Variants in IL1R1 observed in about 807,000 individuals in gnomAD.
The protein encoded by IL1R1 is interleukin-1 receptor type 1.
Under a neutral mutation model 50.2 loss-of-function variants are expected in IL1R1, and 22 were observed. The ratio of observed to expected loss-of-function variants is 0.44; its 90% CI spans 0.31 to 0.63. The LOEUF is 0.63. Ranked by LOEUF, IL1R1 falls within the 20% of genes least tolerant of loss-of-function variation. IL1R1 has a pLI of 0.07. For synonymous variants in IL1R1, 251 were observed against 236.7 expected, an observed-to-expected ratio of 1.06 and a Z score of -0.55; for missense variants, 509 against 676.2, an observed-to-expected ratio of 0.75 and a Z score of 2.74.
At chr2:102,130,011 C>T (rs1318160921) in intron 1 of IL1R1, among the ~76,000 whole-genome samples, 2 of 152,110 alleles carry the variant, frequency 1.3e-5, no homozygotes, top group East Asian at 1.9e-4. Context: ...TTTTAAAAAA[C>T]GAAAGTATCA....
At chr2:102,098,987 A>T (rs1008382785) in intron 1 of IL1R1, among the ~76,000 whole-genome samples, 5 of 152,206 alleles carry the variant, frequency 3.3e-5, no homozygotes, top group African/African-American at 1.2e-4. Context: ...CATACTTAGA[A>T]CCTGACATAT....
chr2:102,148,981 C>CAAACAAAG lies in IL1R1; in HGVS notation c.-83-4960_-83-4959insAAACAAAG, dbSNP rs1553632095. ...ACAAACAAACAAACAAACAAACAAA[C>CAAACAAAG]GGGTAACAGGAAGACATCATAATTA... On this transcript the variant is annotated intron_variant, in intron 1 of 11. Coordinates refer to ENST00000410023, the MANE Select transcript of IL1R1 (RefSeq NM_000877.4). 3.6e-3 allele frequency among the ~76,000 whole-genome samples: 533 copies of CAAACAAAG among 147,566 alleles called. 25 individuals are homozygous for CAAACAAAG. The highest frequency in any genetic ancestry group is 0.01 in the African/African-American group (419 of 40,584).
intron 1 of IL1R1, among the ~76,000 whole-genome samples, chr2:102,127,275 A>G (rs768384510): frequency 1.3e-5 from 2 of 152,236 alleles, no homozygotes; most frequent in Non-Finnish European, 2.9e-5. Flanking sequence ...GCATGGTGAG[A>G]GGAGGCAAAG....
intron 1 of IL1R1, among the ~76,000 whole-genome samples, chr2:102,117,019 G>T (rs1201292604): frequency 6.6e-6 from 1 of 152,192 alleles, no homozygotes; most frequent in Non-Finnish European, 1.5e-5. Context: ...AACACTTAAT[G>T]ACATGAATCT....
At position 102,165,223 on chromosome 2, in the gene IL1R1, A is replaced by G. The variant is rs1396478709; in HGVS notation, c.405A>G (p.Ala135=). 17 of 1,608,324 alleles carry G rather than the reference A, an allele frequency of 1.1e-5. No homozygotes were observed. The highest frequency in any genetic ancestry group is 3.4e-5 in the Admixed American group (2 of 58,664). ...TATTTAAGCAGAAACTACCCGTTGC[A>G]GGAGACGGAGGACTTGTGTGCCCTT... The part of the protein sequence containing the change: ...QAIFKQKLPV[A]GDGGLVCPYM... The change falls in exon 5 of 12, where the codon GCA becomes GCG. Residue 135 remains alanine, a synonymous_variant. Coordinates refer to ENST00000410023, the MANE Select transcript of IL1R1 (RefSeq NM_000877.4).
chr2:102,118,637 G>A (rs1401073474), intron 1 of IL1R1, among the ~76,000 whole-genome samples: 3 of 152,134 alleles, frequency 2.0e-5, no homozygotes, highest in South Asian at 2.1e-4. Context: ...TGGGACACTC[G>A]GCTGGTGTCA....
intron 7 of IL1R1, among the ~76,000 whole-genome samples, chr2:102,170,150 G>A (rs1450925283): frequency 1.3e-5 from 2 of 152,224 alleles, no homozygotes; most frequent in South Asian, 2.1e-4. Context: ...TGGATCAGAA[G>A]CATATAGTAC....
At chr2:102,089,275 A>C (rs1364910116) in intron 1 of IL1R1, among the ~76,000 whole-genome samples, 3 of 152,190 alleles carry the variant, frequency 2.0e-5, no homozygotes, top group African/African-American at 7.2e-5. Context: ...TAGGGCTATT[A>C]ATTGACCTAA....
chr2:102,112,664 A>C (rs1370544301), intron 1 of IL1R1, among the ~76,000 whole-genome samples: 3 of 152,184 alleles, frequency 2.0e-5, no homozygotes, highest in African/African-American at 7.2e-5. Flanking sequence ...ACCATAGAAA[A>C]GTCTAGAAAT....
intron 1 of IL1R1, among the ~76,000 whole-genome samples, chr2:102,115,306 G>T (rs1681008691): frequency 6.6e-6 from 1 of 152,200 alleles, no homozygotes; most frequent in Non-Finnish European, 1.5e-5. Flanking sequence ...GCCAAATCCT[G>T]CCTGGTGGGG....
At chr2:102,128,992 G>A (rs1351221972) in intron 1 of IL1R1, among the ~76,000 whole-genome samples, 1 of 152,114 alleles carries the variant, frequency 6.6e-6, no homozygotes, top group Non-Finnish European at 1.5e-5. Context: ...ACTTGAGGCT[G>A]AGAGTTTGTG....
chr2:102,116,563 A>G (rs984234303), intron 1 of IL1R1, among the ~76,000 whole-genome samples: 2 of 152,214 alleles, frequency 1.3e-5, no homozygotes, highest in African/African-American at 4.8e-5. Context: ...AAAGTTCATA[A>G]GTGCTGTTGG....
intron 2 of IL1R1, among the ~76,000 whole-genome samples, chr2:102,155,590 T>TCAGTGC (rs1559494077): frequency 6.6e-6 from 1 of 152,132 alleles, no homozygotes; most frequent in East Asian, 1.9e-4. Flanking sequence ...CATCCCAAGC[T>TCAGTGC]CAGTGCCAAT....
chr2:102,175,619 A>T lies in IL1R1; in HGVS notation c.1277A>T (p.Tyr426Phe), dbSNP rs1319200607. ...EKQCGYKLFI[Y>F]GRDDYVGEDI... ...CAGTGTGGATATAAGCTGTTCATTT[A>T]TGGAAGGGATGACTACGTTGGGGAA... The change falls in exon 11 of 12, where the codon TAT becomes TTT. Residue 426 changes from tyrosine to phenylalanine, a missense_variant. Physicochemically the swap from Tyr to Phe is conservative, Grantham distance 22. Coordinates refer to ENST00000410023, the MANE Select transcript of IL1R1 (RefSeq NM_000877.4). 4 of 1,614,070 alleles carry T rather than the reference A, an allele frequency of 2.5e-6. No homozygotes were observed. Among genetic ancestry groups the T allele is most frequent in the African/African-American group, 1.3e-5 (1 of 75,038 alleles).
chr2:102,131,763 G>C (rs928219227), intron 1 of IL1R1, among the ~76,000 whole-genome samples: 1 of 152,094 alleles, frequency 6.6e-6, no homozygotes, highest in East Asian at 1.9e-4. Context: ...AAGGGAAAAA[G>C]GGAGTGACAG....
chr2:102,113,729 G>A (rs953516058), intron 1 of IL1R1, among the ~76,000 whole-genome samples: 10 of 152,150 alleles, frequency 6.6e-5, no homozygotes, highest in East Asian at 5.8e-4. Flanking sequence ...TGGAGCCTGG[G>A]TACCCACCTC....
intron 8 of IL1R1, 169 bp from the exon 9 acceptor site, chr2:102,172,518 A>G: frequency 8.8e-7 from 1 of 1,132,224 alleles, no homozygotes; most frequent in Non-Finnish European, 1.2e-6. Context: ...GGGTTATAAA[A>G]TCTCAGATTA....
chr2:102,111,540 T>A (rs1481971755), intron 1 of IL1R1, among the ~76,000 whole-genome samples: 5 of 152,164 alleles, frequency 3.3e-5, no homozygotes, highest in African/African-American at 1.2e-4. Flanking sequence ...ATGTCCAACC[T>A]GTGCTAAGCC....
chr2:102,070,960 A>G (rs753823302), intron 1 of IL1R1, among the ~76,000 whole-genome samples: 6 of 152,110 alleles, frequency 3.9e-5, no homozygotes, highest in Admixed American at 1.3e-4. Context: ...AGAGATTAAG[A>G]CACATTCTTT....
Sources: gnomAD v4.1 joint callset for allele counts (sites outside exome capture counted in the v4.1 genomes callset) on GRCh38, gnomAD v4.1.1 for gene constraint, MANE v1.5 for transcripts, NCBI Gene and HGNC (gene_info 2026-07-23, HGNC 2026-07-21) for gene names.